The following BRINP3 variants were observed in gnomAD, a reference collection of about 807,000 sequenced individuals.
BRINP3 encodes the protein BMP/retinoic acid inducible neural specific 3.
In BRINP3, 19 loss-of-function variants were observed where a neutral mutation model predicts 71.0. The ratio of observed to expected loss-of-function variants is 0.27; its 90% CI spans 0.19 to 0.39. BRINP3 has a LOEUF of 0.39. Ranked by LOEUF, BRINP3 falls within the 10% of genes least tolerant of loss-of-function variation. BRINP3 has a pLI of 1.00. For missense variants in BRINP3, 959 were observed against 940.8 expected, an observed-to-expected ratio of 1.02 and a Z score of -0.25; for synonymous variants, 380 against 337.7, an observed-to-expected ratio of 1.13 and a Z score of -1.37.
rs773990448 is a variant in BRINP3, at chr1:190,150,264, C to CTATG, written c.1184+10400_1184+10403dup. On this transcript the variant is annotated intron_variant, in intron 7 of 7. Coordinates refer to ENST00000367462, the MANE Select transcript of BRINP3 (RefSeq NM_199051.3). ...AATGAGTTGGTATATATGTGCATAT[C>CTATG]TATGTGTGTGTGTGTGTGTGTGTGT... Among the ~76,000 whole-genome samples the CTATG allele has an allele frequency of 5.6e-3, 732 of 131,722 alleles. 5 individuals are homozygous for CTATG. Among genetic ancestry groups the CTATG allele is most frequent in the African/African-American group, 0.021 (686 of 32,984 alleles). The allele number at this position is 131,722 out of a possible 152,430, so 86.4% of individuals were successfully genotyped here. A position where few individuals can be genotyped will look rare whatever the true frequency, so the allele number is the denominator to read the frequency against.
chr1:190,471,717 G>A (rs1372462202), intron 1 of BRINP3, among the ~76,000 whole-genome samples: 1 of 151,338 alleles, frequency 6.6e-6, no homozygotes, highest in Non-Finnish European at 1.5e-5. Context: ...ATTAAGAGTA[G>A]AGATCATCAG....
At position 190,405,450 on chromosome 1, in the gene BRINP3, C is replaced by CAAAAAAAAAAAAA. The variant is rs1334402738; in HGVS notation, c.236+49192_236+49204dup. On this transcript the variant is annotated intron_variant, in intron 2 of 7. Coordinates refer to ENST00000367462, the MANE Select transcript of BRINP3 (RefSeq NM_199051.3). Reference sequence around the variant, plus strand: ...TGGGCGACAGAGCGAGACTCCGTCTCAAAAAAAAAAAAAAAAAAAAAAAAA... The same window carrying CAAAAAAAAAAAAA: ...TGGGCGACAGAGCGAGACTCCGTCTCAAAAAAAAAAAAAAAAAAAAAAAAAAAAAAAAAAAAAA... Among the ~76,000 whole-genome samples the CAAAAAAAAAAAAA allele has an allele frequency of 1.3e-4, 5 of 39,144 alleles. 2 individuals are homozygous for CAAAAAAAAAAAAA. The highest frequency in any genetic ancestry group is 1.6e-4 in the Non-Finnish European group (4 of 24,690). 25.7% of individuals were successfully genotyped at this position (39,144 alleles called of 152,430 possible).
At chr1:190,418,642 T>A (rs1248205807) in intron 2 of BRINP3, among the ~76,000 whole-genome samples, 1 of 152,144 alleles carries the variant, frequency 6.6e-6, no homozygotes, top group African/African-American at 2.4e-5. Context: ...TGAAATTAGA[T>A]ATATATTTTT....
intron 2 of BRINP3, among the ~76,000 whole-genome samples, chr1:190,301,375 T>C (rs1271923099): frequency 1.3e-5 from 2 of 150,532 alleles, no homozygotes; most frequent in African/African-American, 4.9e-5. Context: ...TTCCTCTAAA[T>C]TCCTTTTGAA....
At chr1:190,198,552 C>T (rs963948496) in intron 6 of BRINP3, among the ~76,000 whole-genome samples, 3 of 152,012 alleles carry the variant, frequency 2.0e-5, no homozygotes, top group Non-Finnish European at 2.9e-5. Flanking sequence ...TAAAAACACA[C>T]CAGATGTGTT....
intron 4 of BRINP3, among the ~76,000 whole-genome samples, chr1:190,238,097 C>A (rs1161922567): frequency 6.6e-6 from 1 of 152,002 alleles, no homozygotes; most frequent in Non-Finnish European, 1.5e-5. Context: ...TAATTTTATA[C>A]ATTTTGCCCC....
intron 2 of BRINP3, among the ~76,000 whole-genome samples, chr1:190,358,334 A>G (rs1182818168): frequency 6.6e-6 from 1 of 152,160 alleles, no homozygotes; most frequent in Non-Finnish European, 1.5e-5. Flanking sequence ...AAACAATCCC[A>G]TCAACAAGTG....
At chr1:190,284,966 A>G (rs1663310461) in intron 2 of BRINP3, among the ~76,000 whole-genome samples, 1 of 152,122 alleles carries the variant, frequency 6.6e-6, no homozygotes, top group Admixed American at 6.6e-5. Context: ...AAAAGAATAA[A>G]GCAAAATACT....
intron 2 of BRINP3, among the ~76,000 whole-genome samples, chr1:190,331,314 CT>C (rs928874636): frequency 2.0e-5 from 3 of 151,754 alleles, no homozygotes; most frequent in Admixed American, 6.6e-5. Flanking sequence ...TACCCAAAGA[CT>C]TTTTTTTAAC....
intron 7 of BRINP3, among the ~76,000 whole-genome samples, chr1:190,119,182 A>C (rs901660385): frequency 6.6e-6 from 1 of 152,078 alleles, no homozygotes; most frequent in South Asian, 2.1e-4. Flanking sequence ...TCTTTTTCAT[A>C]TCATGACTTC....
At chr1:190,228,162 G>A (rs1657580613) in intron 5 of BRINP3, among the ~76,000 whole-genome samples, 1 of 151,568 alleles carries the variant, frequency 6.6e-6, no homozygotes. Context: ...TTTCTTAATC[G>A]TCTAGTCCTA....
chr1:190,370,322 A>T (rs1669778875), intron 2 of BRINP3, among the ~76,000 whole-genome samples: 1 of 152,178 alleles, frequency 6.6e-6, no homozygotes, highest in South Asian at 2.1e-4. Flanking sequence ...ATATTTAAGA[A>T]ACCAATTTAA....
chr1:190,468,455 C>A (rs1391212248), intron 1 of BRINP3, among the ~76,000 whole-genome samples: 1 of 151,168 alleles, frequency 6.6e-6, no homozygotes, highest in Non-Finnish European at 1.5e-5. Context: ...GTTGTTTCGT[C>A]TTTCAAATTG....
At chr1:190,289,367 G>A (rs1290270619) in intron 2 of BRINP3, among the ~76,000 whole-genome samples, 2 of 151,856 alleles carry the variant, frequency 1.3e-5, no homozygotes, top group Non-Finnish European at 2.9e-5. Flanking sequence ...TGTTGCTGCA[G>A]GTCATAGGCT....
intron 6 of BRINP3, 31 bp from the exon 7 acceptor site, chr1:190,160,921 T>A: frequency 6.8e-7 from 1 of 1,477,260 alleles, no homozygotes; most frequent in East Asian, 2.3e-5. Flanking sequence ...ACACTTTAAT[T>A]ATGAAACAAT....
At chr1:190,460,606 T>G (rs1035324783) in intron 1 of BRINP3, among the ~76,000 whole-genome samples, 5 of 152,178 alleles carry the variant, frequency 3.3e-5, no homozygotes, top group Non-Finnish European at 7.4e-5. Flanking sequence ...AGGTGGGCCT[T>G]AAGTCTTAAT....
chr1:190,404,072 C>T (rs1418086416), intron 2 of BRINP3, among the ~76,000 whole-genome samples: 1 of 152,086 alleles, frequency 6.6e-6, no homozygotes, highest in Non-Finnish European at 1.5e-5. Context: ...GATGACCAAA[C>T]CTGAGCAGGA....
intron 3 of BRINP3, among the ~76,000 whole-genome samples, chr1:190,271,475 A>G (rs1371338828): frequency 6.6e-6 from 1 of 151,572 alleles, no homozygotes; most frequent in Non-Finnish European, 1.5e-5. Context: ...TTAATATATT[A>G]TTATTCTCTT....
At chr1:190,253,287 C>A (rs550781877) in intron 4 of BRINP3, among the ~76,000 whole-genome samples, 1 of 152,120 alleles carries the variant, frequency 6.6e-6, no homozygotes, top group Non-Finnish European at 1.5e-5. Flanking sequence ...TGGGTATATA[C>A]CCAGTAATGG....
Sources: gnomAD v4.1 joint callset for allele counts (sites outside exome capture counted in the v4.1 genomes callset) on GRCh38, gnomAD v4.1.1 for gene constraint, MANE v1.5 for transcripts, NCBI Gene and HGNC (gene_info 2026-07-23, HGNC 2026-07-21) for gene names.